The following TCF12 variants were observed in gnomAD, a reference collection of about 807,000 sequenced individuals.
TCF12 encodes DNA-binding protein HTF4.
In TCF12, 45 loss-of-function variants were observed where a neutral mutation model predicts 86.0. That is an observed-to-expected ratio of 0.52 (90% CI 0.41 to 0.67). The LOEUF (loss-of-function observed/expected upper bound fraction) is 0.67, where lower values mean the gene tolerates loss of function less well. Ranked by LOEUF, TCF12 falls within the 30% of genes least tolerant of loss-of-function variation. The pLI is 0.00. For synonymous variants in TCF12, 330 were observed against 299.6 expected (o/e 1.10, Z -1.05); for missense variants, 881 against 859.9 (o/e 1.02, Z -0.31).
At chr15:57,194,423 C>A (rs1335402466) in intron 7 of TCF12, among the ~76,000 whole-genome samples, 1 of 152,116 alleles carries the variant, frequency 6.6e-6, no homozygotes, top group Non-Finnish European at 1.5e-5. Flanking sequence ...GGGAGGTCCA[C>A]CGATTTCCTG....
chr15:56,982,968 A>G (rs2062967249), intron 3 of TCF12, among the ~76,000 whole-genome samples: 1 of 152,210 alleles, frequency 6.6e-6, no homozygotes, highest in African/African-American at 2.4e-5. Context: ...TCTGCAAATG[A>G]ATTATATAAA....
rs1027686429 is a variant in TCF12, at chr15:57,287,516, T to G, written c.*1371T>G. 15 of 152,654 alleles carry G rather than the reference T, an allele frequency of 9.8e-5. No individual in the cohort carries two copies. The highest frequency in any genetic ancestry group is 7.9e-4 in the Admixed American group (12 of 15,284). The allele number at this position is 152,654 out of a possible 1,614,324, so 9.5% of individuals were successfully genotyped here. A position where few individuals can be genotyped will look rare whatever the true frequency, so the allele number is the denominator to read the frequency against. On this transcript the variant is annotated 3_prime_UTR_variant, in exon 21 of 21. Coordinates refer to ENST00000333725, the MANE Select transcript of TCF12 (RefSeq NM_207037.2). Reference sequence around the variant, plus strand: ...TCATTAAGGCACTCTCTGTCTCTAATCCTTAGGAGTTGTTTTAAAAGACAT... The same window carrying G: ...TCATTAAGGCACTCTCTGTCTCTAAGCCTTAGGAGTTGTTTTAAAAGACAT...
intron 13 of TCF12, chr15:57,247,235 C>T (rs1371074025): frequency 2.1e-5 from 13 of 632,206 alleles, no homozygotes; most frequent in African/African-American, 2.0e-4. Flanking sequence ...ATAGTTGCCA[C>T]CATCACCTCC....
At chr15:56,925,240 G>GCCC (rs11465192) in intron 3 of TCF12, among the ~76,000 whole-genome samples, 31 of 136,238 alleles carry the variant, frequency 2.3e-4, no homozygotes, top group South Asian at 5.0e-4. Flanking sequence ...GGTGTCCACC[G>GCCC]CCCCCCCACC....
intron 5 of TCF12, among the ~76,000 whole-genome samples, chr15:57,144,605 C>T (rs1182306654): frequency 6.6e-6 from 1 of 151,988 alleles, no homozygotes. Context: ...GTTTGTTTTT[C>T]CCTCTCTTTT....
At position 57,173,034 on chromosome 15, in the gene TCF12, C is replaced by T. The variant is rs560789826; in HGVS notation, c.390+6568C>T. Among the ~76,000 whole-genome samples, 31 of 151,982 alleles carry T rather than the reference C, an allele frequency of 2.0e-4. 1 individual carries two copies. Among genetic ancestry groups the T allele is most frequent in the African/African-American group, 4.8e-4 (20 of 41,462 alleles). On this transcript the variant is annotated intron_variant, in intron 6 of 20. Coordinates refer to ENST00000333725, the MANE Select transcript of TCF12 (RefSeq NM_207037.2). The stretch of plus-strand genomic sequence containing the variant: ...AGCCCAGGAGTTCGAGGCTGCAGTG[C>T]GCTGTTATTGCACTGCTGCACTCCA...
At chr15:57,133,691 G>A (rs1168281846) in intron 5 of TCF12, among the ~76,000 whole-genome samples, 3 of 150,982 alleles carry the variant, frequency 2.0e-5, no homozygotes, top group Non-Finnish European at 4.4e-5. Flanking sequence ...AACAGTTTCA[G>A]AAGCTAAATA....
At chr15:57,216,563 T>TA (rs5812872) in intron 8 of TCF12, among the ~76,000 whole-genome samples, 14,664 of 129,002 alleles carry the variant, frequency 0.11, 1,846 homozygotes, top group African/African-American at 0.33. Context: ...CATGTTCCTT[T>TA]AAAAAAAAAA....
chr15:56,918,769 C>T lies in TCF12; in HGVS notation c.-160C>T, dbSNP rs1595668116. 6.1e-6 allele frequency: 1 copy of T among 164,448 alleles called. No homozygotes were observed. Among genetic ancestry groups the T allele is most frequent in the African/African-American group, 2.4e-5 (1 of 41,496 alleles). The allele number at this position is 164,448 out of a possible 1,614,324, so 10.2% of individuals were successfully genotyped here. ...AGGGGCGGCCAGGCCCGAAAGCCGC[C>T]TCCCCCTCCCAGACCCGAGAGCTCG... On this transcript the variant is annotated 5_prime_UTR_variant, in exon 1 of 21. Coordinates refer to ENST00000333725, the MANE Select transcript of TCF12 (RefSeq NM_207037.2).
chr15:57,219,609 A>G (rs186468950), intron 8 of TCF12: 83 of 1,610,044 alleles, frequency 5.2e-5, no homozygotes, highest in Admixed American at 1.7e-5. Context: ...TTTTCTTTGT[A>G]TAGCTTCTAA....
chr15:56,958,661 AAGAG>A lies in TCF12; in HGVS notation c.148+37578_148+37581del, dbSNP rs768375451. 1.2e-3 allele frequency among the ~76,000 whole-genome samples: 142 copies of A among 119,082 alleles called. 2 individuals carry two copies. Among genetic ancestry groups the A allele is most frequent in the African/African-American group, 4.0e-3 (138 of 34,932 alleles). 78.1% of individuals were successfully genotyped at this position (119,082 alleles called of 152,430 possible). ...ATATACAGTTTGCCTGTATATGAGA[AAGAG>A]AGAGAGAGAGAGAGTGTGTGTGTGT... On this transcript the variant is annotated intron_variant, in intron 3 of 20. Coordinates refer to ENST00000333725, the MANE Select transcript of TCF12 (RefSeq NM_207037.2).
intron 12 of TCF12, among the ~76,000 whole-genome samples, chr15:57,240,596 T>A (rs572179536): frequency 6.6e-6 from 1 of 152,184 alleles, no homozygotes; most frequent in Admixed American, 6.5e-5. Context: ...AGAGGTATGT[T>A]GAGGGCCGGG....
At chr15:57,272,155 A>G (rs1027163549) in intron 18 of TCF12, among the ~76,000 whole-genome samples, 5 of 152,210 alleles carry the variant, frequency 3.3e-5, no homozygotes, top group African/African-American at 7.2e-5. Context: ...GTCTGAATGT[A>G]CTATGATTTA....
At chr15:57,143,149 GCC>G (rs34779038) in intron 5 of TCF12, among the ~76,000 whole-genome samples, 1 of 136,340 alleles carries the variant, frequency 7.3e-6, no homozygotes, top group Non-Finnish European at 1.5e-5. Flanking sequence ...CCTATTACGT[GCC>G]CCCCCCCACC....
chr15:56,947,120 A>G (rs546671189), intron 3 of TCF12, among the ~76,000 whole-genome samples: 1 of 152,132 alleles, frequency 6.6e-6, no homozygotes, highest in African/African-American at 2.4e-5. Context: ...TTTTGCTAAG[A>G]ATAGTTTAGC....
At chr15:57,016,505 C>T (rs916089665) in intron 3 of TCF12, among the ~76,000 whole-genome samples, 1 of 152,242 alleles carries the variant, frequency 6.6e-6, no homozygotes, top group Admixed American at 6.5e-5. Context: ...CCTTGCTGCT[C>T]AGAGTTCCTG....
chr15:57,013,218 G>A lies in TCF12; in HGVS notation c.149-50532G>A, dbSNP rs569724293. On this transcript the variant is annotated intron_variant, in intron 3 of 20. Transcript: ENST00000333725. ...TTTATCCAGTAAATATTTATCGAGTGCCTACTATATTCCAGGCAATGTTAT... is the reference window on the plus strand; with the variant it reads ...TTTATCCAGTAAATATTTATCGAGTACCTACTATATTCCAGGCAATGTTAT... 4.6e-5 allele frequency among the ~76,000 whole-genome samples: 7 copies of A among 152,270 alleles called. No homozygotes were observed. In the South Asian group the frequency reaches 1.4e-3, roughly 32 times the overall value.
chr15:57,231,175 A>G lies in TCF12; in HGVS notation c.603A>G (p.Ser201=), dbSNP rs765814348. 2 of 1,612,876 alleles carry G rather than the reference A, an allele frequency of 1.2e-6. No individual in the cohort carries two copies. Among genetic ancestry groups the G allele is most frequent in the African/African-American group, 2.7e-5 (2 of 74,894 alleles). ...PSSVYAPSPN[S]DDFNRESPSY... is the part of the protein sequence containing the mutation. Reference sequence around the variant, plus strand: ...AGGTATATGCACCATCCCCAAATTCAGATGATTTCAACCGTGAATCTCCTA... The same window carrying G: ...AGGTATATGCACCATCCCCAAATTCGGATGATTTCAACCGTGAATCTCCTA... Residue 201 remains serine (S), a synonymous_variant, in exon 9 of 21, where the codon TCA becomes TCG. Coordinates refer to ENST00000333725, the MANE Select transcript of TCF12 (RefSeq NM_207037.2).
chr15:57,063,840 A>G lies in TCF12; in HGVS notation c.222+17A>G. The G allele has an allele frequency of 1.9e-6, 3 of 1,552,904 alleles. No homozygotes were observed. The highest frequency in any genetic ancestry group is 2.3e-5 in the East Asian group (1 of 44,000). On this transcript the variant is annotated intron_variant, in intron 4 of 20. Transcript: ENST00000333725. ...TCATCTAGAGTAAGTTTGCTGATCA[A>G]CCCTTGATTAAAGCTGTAATTTGGC...
Sources: gnomAD v4.1 joint callset for allele counts (sites outside exome capture counted in the v4.1 genomes callset) on GRCh38, gnomAD v4.1.1 for gene constraint, MANE v1.5 for transcripts, NCBI Gene and HGNC (gene_info 2026-07-23, HGNC 2026-07-21) for gene names.